EBF1: variants seen among roughly 807,000 people sequenced by gnomAD.
EBF1 encodes the protein transcription factor COE1.
In EBF1, 10 loss-of-function variants were observed where a neutral mutation model predicts 68.4. The ratio of observed to expected loss-of-function variants is 0.15; its 90% CI spans 0.09 to 0.25. The LOEUF is 0.25. Ranked by LOEUF, EBF1 falls within the 10% of genes least tolerant of loss-of-function variation. The probability of loss-of-function intolerance (pLI) is 1.00; values close to 1 mark genes in which losing one functional copy is unlikely to be tolerated. For synonymous variants in EBF1, 298 were observed against 299.8 expected, an observed-to-expected ratio of 0.99 and a Z score of 0.06; for missense variants, 509 against 794.4, an observed-to-expected ratio of 0.64 and a Z score of 4.32.
Position 159,042,591 on chromosome 5 carries a change from T to TGC in EBF1, c.554+30804_554+30805insGC, listed in dbSNP as rs572581718. On this transcript the variant is annotated intron_variant, in intron 6 of 15. Transcript: ENST00000313708. Reference sequence around the variant, plus strand: ...GGAAAAAAAAAATTCTTTGCCTGTGTGTGTGTGTGTGTGTGTGTGCATGTG... The same window carrying TGC: ...GGAAAAAAAAAATTCTTTGCCTGTGTGCGTGTGTGTGTGTGTGTGTGCATGTG... Among the ~76,000 whole-genome samples the TGC allele has an allele frequency of 6.6e-5, 10 of 151,030 alleles. No homozygotes were observed. The South Asian group carries it at 1.9e-3, about 28-fold the overall frequency.
At chr5:159,015,128 C>T (rs1170068910) in intron 6 of EBF1, among the ~76,000 whole-genome samples, 1 of 152,202 alleles carries the variant, frequency 6.6e-6, no homozygotes, top group Non-Finnish European at 1.5e-5. Context: ...GAACACTGAG[C>T]AAATGATTTA....
At chr5:158,944,222 C>T (rs1306793276) in intron 6 of EBF1, among the ~76,000 whole-genome samples, 7 of 152,152 alleles carry the variant, frequency 4.6e-5, no homozygotes. Flanking sequence ...TCCCCTTGTC[C>T]TCCACCCCCC....
intron 10 of EBF1, among the ~76,000 whole-genome samples, chr5:158,758,411 A>C (rs1248677623): frequency 6.6e-6 from 1 of 152,178 alleles, no homozygotes; most frequent in African/African-American, 2.4e-5. Flanking sequence ...TATCTTCCTG[A>C]ATTTGAGACT....
At chr5:158,866,268 A>C (rs1795845262) in intron 6 of EBF1, among the ~76,000 whole-genome samples, 1 of 152,156 alleles carries the variant, frequency 6.6e-6, no homozygotes, top group South Asian at 2.1e-4. Context: ...GGAGAAAGTC[A>C]GGTTTCCCCA....
At chr5:158,824,581 G>A (rs1291197492) in intron 7 of EBF1, among the ~76,000 whole-genome samples, 1 of 152,238 alleles carries the variant, frequency 6.6e-6, no homozygotes, top group East Asian at 1.9e-4. Flanking sequence ...AGAGGCATTA[G>A]CCTCTGAAGA....
intron 6 of EBF1, among the ~76,000 whole-genome samples, chr5:158,864,274 A>G (rs2128040729): frequency 6.6e-6 from 1 of 151,428 alleles, no homozygotes; most frequent in South Asian, 2.1e-4. Flanking sequence ...CACCTTAGAT[A>G]TGAAGAGAGT....
chr5:158,712,396 C>G, intron 13 of EBF1, 63 bp from the exon 14 acceptor site: 1 of 1,572,356 alleles, frequency 6.4e-7, no homozygotes. Flanking sequence ...TCCTGGAAGA[C>G]TCGGGGAAAG....
rs1347308030 is a variant in EBF1 at position 159,072,779 on chromosome 5, G to C, written c.554+617C>G. 3.3e-5 allele frequency among the ~76,000 whole-genome samples: 5 copies of C among 152,088 alleles called. No homozygotes were observed. In the East Asian group the frequency reaches 9.6e-4, roughly 29 times the overall value. On this transcript the variant is annotated intron_variant, in intron 6 of 15. Coordinates refer to ENST00000313708, the MANE Select transcript of EBF1 (RefSeq NM_024007.5). ...AACTAAAACAGATTTATTGTTCTACGGTGATTTACTTGGTCATGTCAGATT... is the reference window on the plus strand; with the variant it reads ...AACTAAAACAGATTTATTGTTCTACCGTGATTTACTTGGTCATGTCAGATT...
intron 6 of EBF1, among the ~76,000 whole-genome samples, chr5:158,987,862 A>G (rs1359711260): frequency 6.6e-6 from 1 of 152,230 alleles, no homozygotes; most frequent in Non-Finnish European, 1.5e-5. Context: ...AGATAGTAAA[A>G]TATGGAAACT....
intron 6 of EBF1, among the ~76,000 whole-genome samples, chr5:158,985,413 C>A (rs1435922644): frequency 6.6e-6 from 1 of 152,168 alleles, no homozygotes; most frequent in African/African-American, 2.4e-5. Context: ...GGTCTCTACC[C>A]CATACCAATT....
At chr5:158,959,183 A>G (rs1817688956) in intron 6 of EBF1, among the ~76,000 whole-genome samples, 1 of 152,362 alleles carries the variant, frequency 6.6e-6, no homozygotes, top group Non-Finnish European at 1.5e-5. Context: ...CCATTTGCCC[A>G]TATTTTAGAA....
intron 15 of EBF1, chr5:158,707,606 G>A (rs1019194246): frequency 3.7e-6 from 1 of 269,724 alleles, no homozygotes; most frequent in African/African-American, 2.1e-5. Context: ...CCCTGCACTG[G>A]AGAACTTGCT....
chr5:158,756,755 T>C (rs1770198213), intron 10 of EBF1, among the ~76,000 whole-genome samples: 1 of 151,744 alleles, frequency 6.6e-6, no homozygotes, highest in African/African-American at 2.4e-5. Context: ...AACTAAATAA[T>C]GAAGAGGGCA....
At chr5:158,894,329 A>AT (rs1219539888) in intron 6 of EBF1, among the ~76,000 whole-genome samples, 3 of 152,094 alleles carry the variant, frequency 2.0e-5, no homozygotes, top group East Asian at 1.9e-4. Context: ...AGGCCATTGA[A>AT]TTTTTTTTCT....
intron 6 of EBF1, among the ~76,000 whole-genome samples, chr5:158,899,072 A>T (rs767979115): frequency 4.6e-5 from 7 of 152,254 alleles, no homozygotes; most frequent in Non-Finnish European, 1.0e-4. Context: ...CAAGATGCGT[A>T]AGTTATTCAA....
chr5:159,072,566 T>C (rs773708108), intron 6 of EBF1, among the ~76,000 whole-genome samples: 2 of 152,218 alleles, frequency 1.3e-5, no homozygotes, highest in African/African-American at 4.8e-5. Context: ...CTAGCTCTTT[T>C]CCTAGCTGAC....
intron 14 of EBF1, among the ~76,000 whole-genome samples, chr5:158,711,570 T>C (rs917583810): frequency 3.3e-5 from 5 of 152,230 alleles, no homozygotes; most frequent in Non-Finnish European, 7.3e-5. Context: ...TCCTTTTATG[T>C]AGCTAAAATA....
At chr5:158,700,048 T>C (rs1756391643) in intron 15 of EBF1, among the ~76,000 whole-genome samples, 1 of 152,194 alleles carries the variant, frequency 6.6e-6, no homozygotes, top group South Asian at 2.1e-4. Context: ...GAGAGGTGAA[T>C]AAAATGACAC....
chr5:158,821,762 A>G (rs1421252423), intron 8 of EBF1, among the ~76,000 whole-genome samples: 1 of 152,226 alleles, frequency 6.6e-6, no homozygotes, highest in Non-Finnish European at 1.5e-5. Context: ...GGAACTAGGA[A>G]TGTAATCATG....
Sources: allele counts gnomAD v4.1 joint callset (sites outside exome capture counted in the v4.1 genomes callset), GRCh38; gene constraint gnomAD v4.1.1; transcripts MANE v1.5; gene names NCBI Gene and HGNC (gene_info 2026-07-23, HGNC 2026-07-21).